The following IL15RA variants were observed in gnomAD, a reference collection of about 807,000 sequenced individuals.
IL15RA encodes the protein interleukin 15 receptor subunit alpha.
IL15RA carries 26 observed loss-of-function variants against 24.2 expected under a neutral mutation model. The ratio of observed to expected loss-of-function variants is 1.07; its 90% confidence interval spans 0.79 to 1.49. The LOEUF is 1.49. Ranked by LOEUF, IL15RA falls within the 40% of genes most tolerant of loss-of-function variation. The pLI, the probability that IL15RA is intolerant of heterozygous loss-of-function variation, is 0.00. For missense variants in IL15RA, 354 were observed against 356.4 expected, an observed-to-expected ratio of 0.99 and a Z score of 0.05; for synonymous variants, 166 against 157.6, an observed-to-expected ratio of 1.05 and a Z score of -0.40.
rs1052702773 is a variant in IL15RA at position 5,952,942 on chromosome 10, G to A, written c.*153C>T. 7.5e-5 allele frequency: 49 copies of A among 652,236 alleles called. 1 individual carries two copies. The highest frequency in any genetic ancestry group is 4.8e-4 in the South Asian group (25 of 52,534). 40.4% of individuals were successfully genotyped at this position (652,236 alleles called of 1,614,324 possible). On this transcript the variant is annotated 3_prime_UTR_variant, in exon 7 of 7. Coordinates refer to ENST00000379977, the MANE Select transcript of IL15RA (RefSeq NM_002189.4). Reference sequence around the variant, plus strand: ...CCTGCTCCCTCGCGCAGGAGGCGCCGACCCGGCAGTCCGTGAGATCCTGCT... The same window carrying A: ...CCTGCTCCCTCGCGCAGGAGGCGCCAACCCGGCAGTCCGTGAGATCCTGCT...
chr10:5,967,797 G>C lies in IL15RA; in HGVS notation c.89-1458C>G, dbSNP rs968207811. 6.6e-6 allele frequency among the ~76,000 whole-genome samples: 1 copy of C among 152,156 alleles called. No homozygotes were observed. Among genetic ancestry groups the C allele is most frequent in the Non-Finnish European group, 1.5e-5 (1 of 68,026 alleles). On this transcript the variant is annotated intron_variant, in intron 1 of 6. Coordinates refer to ENST00000379977, the MANE Select transcript of IL15RA (RefSeq NM_002189.4). The surrounding 1 kb of genome is among the most constrained non-coding windows in gnomAD (Gnocchi z 4.4). ...GAATAGGCTGGGTGCGGTAGCTCAC[G>C]CCTGTAATCCGAGGACTTTGGGAGG...
chr10:5,976,774 T>C (rs1289007622), intron 1 of IL15RA, among the ~76,000 whole-genome samples: 1 of 150,818 alleles, frequency 6.6e-6, no homozygotes, highest in African/African-American at 2.4e-5. Context: ...GAGTGTAGAC[T>C]CCAGGCTGGC....
Position 5,955,496 on chromosome 10 carries a change from C to T in IL15RA, c.692+883G>A, listed in dbSNP as rs937953524. ...GTTTAGTTTGGACAAATCTGATATCCGTATCAGTATGGAATGCTGGAATAC... is the reference window on the plus strand; with the variant it reads ...GTTTAGTTTGGACAAATCTGATATCTGTATCAGTATGGAATGCTGGAATAC... On this transcript the variant is annotated intron_variant, in intron 6 of 6. Coordinates refer to ENST00000379977, the MANE Select transcript of IL15RA (RefSeq NM_002189.4). The surrounding 1 kb of genome is among the most constrained non-coding windows in gnomAD (Gnocchi z 5.3). Among the ~76,000 whole-genome samples, 3 of 151,966 alleles carry T rather than the reference C, an allele frequency of 2.0e-5. No individual in the cohort carries two copies. Among genetic ancestry groups the T allele is most frequent in the East Asian group, 3.9e-4 (2 of 5,162 alleles).
downstream of IL15RA, chr10:5,952,355 T>G (rs992600964): frequency 1.3e-5 from 2 of 152,788 alleles, no homozygotes; most frequent in Non-Finnish European, 2.9e-5. Context: ...ACATTTCTCC[T>G]TGGTGATTCT....
rs1836529751 is a variant in IL15RA, at chr10:5,966,327, G to C, written c.101C>G (p.Pro34Arg). Residue 34 changes from proline (P) to arginine (R), a missense_variant, in exon 2 of 7, where the codon CCT becomes CGT. Physicochemically the swap from Pro to Arg is moderately radical, Grantham distance 103. Coordinates refer to ENST00000379977, the MANE Select transcript of IL15RA (RefSeq NM_002189.4). The surrounding 1 kb of genome is among the most constrained non-coding windows in gnomAD (Gnocchi z 6.4). Reference sequence around the variant, plus strand: ...TGCGTGTTCCACGGACATGGGGGGAGGGCACGTGATGCCTGCGAAAGTGCA... The same window carrying C: ...TGCGTGTTCCACGGACATGGGGGGACGGCACGTGATGCCTGCGAAAGTGCA... ...RPPATRGITCPPPMSVEHADI... is the reference protein window; with the variant it reads ...RPPATRGITCRPPMSVEHADI... 1 of 1,607,448 alleles carries C rather than the reference G, an allele frequency of 6.2e-7. No homozygotes were observed. Among genetic ancestry groups the C allele is most frequent in the East Asian group, 2.2e-5 (1 of 44,658 alleles).
chr10:5,971,618 G>C lies in IL15RA; in HGVS notation c.89-5279C>G, dbSNP rs1837623631. 6.6e-6 allele frequency among the ~76,000 whole-genome samples: 1 copy of C among 152,242 alleles called. No homozygotes were observed. Among genetic ancestry groups the C allele is most frequent in the Admixed American group, 6.5e-5 (1 of 15,290 alleles). Reference sequence around the variant, plus strand: ...CGAGCTAAGGGTGGTAGGATTCAGAGATGTGTCAGATATGGTTCCTGCCCT... The same window carrying C: ...CGAGCTAAGGGTGGTAGGATTCAGACATGTGTCAGATATGGTTCCTGCCCT... On this transcript the variant is annotated intron_variant, in intron 1 of 6. Coordinates refer to ENST00000379977, the MANE Select transcript of IL15RA (RefSeq NM_002189.4). This position sits in a 1 kb window ranked among gnomAD's most constrained non-coding sequence, Gnocchi z 5.5.
rs1836563283 is a variant in IL15RA, at chr10:5,966,488, G to A, written c.89-149C>T. On this transcript the variant is annotated intron_variant, in intron 1 of 6. Transcript: ENST00000379977. This position sits in a 1 kb window ranked among gnomAD's most constrained non-coding sequence, Gnocchi z 6.4. The stretch of plus-strand genomic sequence containing the variant: ...GTGCCAGGCACGTGGAGGATGTACA[G>A]GAAGAGCATCCTCACCCAGAAGCCT... 1 of 618,904 alleles carries A rather than the reference G, an allele frequency of 1.6e-6. No homozygotes were observed. The highest frequency in any genetic ancestry group is 2.8e-5 in the East Asian group (1 of 36,006). The allele number at this position is 618,904 out of a possible 1,614,324, so 38.3% of individuals were successfully genotyped here.
upstream of IL15RA, chr10:5,977,635 G>A (rs1838676005): frequency 7.9e-7 from 1 of 1,262,262 alleles, no homozygotes. Context: ...AGGGCTCGGA[G>A]AGGTGCAAAG....
In IL15RA at chr10:5,962,054, C is replaced by T. The variant is rs1481560648; in HGVS notation, c.383-1487G>A. Among the ~76,000 whole-genome samples the T allele has an allele frequency of 6.6e-6, 1 of 152,138 alleles. No homozygotes were observed. Among genetic ancestry groups the T allele is most frequent in the East Asian group, 1.9e-4 (1 of 5,196 alleles). On this transcript the variant is annotated intron_variant, in intron 3 of 6. Transcript: ENST00000379977. This position sits in a 1 kb window ranked among gnomAD's most constrained non-coding sequence, Gnocchi z 5.2. ...GGCTTCTGACTGCACCATTGTGTCT[C>T]GACAATGGCCATCGGACCAGGTATT...
chr10:5,972,431 TG>T (rs1837765950), intron 1 of IL15RA, among the ~76,000 whole-genome samples: 1 of 152,338 alleles, frequency 6.6e-6, no homozygotes, highest in East Asian at 1.9e-4. Context: ...TGGAATGCAG[TG>T]GACAAGTGTT....
At position 5,960,344 on chromosome 10, in the gene IL15RA, C is replaced by T. The variant is rs746758221; in HGVS notation, c.583+23G>A. Reference sequence around the variant, plus strand: ...AAGCAGCAATGGGGAACTGACCTCTCCTGGGGCAAAGCGAGTGCTAACCTG... The same window carrying T: ...AAGCAGCAATGGGGAACTGACCTCTTCTGGGGCAAAGCGAGTGCTAACCTG... On this transcript the variant is annotated intron_variant, in intron 4 of 6. Coordinates refer to ENST00000379977, the MANE Select transcript of IL15RA (RefSeq NM_002189.4). This position sits in a 1 kb window ranked among gnomAD's most constrained non-coding sequence, Gnocchi z 5.1. 3.1e-6 allele frequency: 5 copies of T among 1,610,550 alleles called. No homozygotes were observed. The highest frequency in any genetic ancestry group is 4.2e-6 in the Non-Finnish European group (5 of 1,176,858).
At chr10:5,949,228 T>G (rs1442938074), downstream of IL15RA, 1 of 471,212 alleles carries the variant, frequency 2.1e-6, no homozygotes, top group Admixed American at 2.3e-5. The surrounding 1 kb of genome is among the most constrained non-coding windows in gnomAD (Gnocchi z 4.4). Context: ...GGTATGTCAC[T>G]TTTCTCTGTG....
chr10:5,974,481 G>C (rs1425207037), intron 1 of IL15RA, among the ~76,000 whole-genome samples: 1 of 151,974 alleles, frequency 6.6e-6, no homozygotes, highest in East Asian at 1.9e-4. Flanking sequence ...ATCATACCAA[G>C]AGCTGACAAG....
In IL15RA at chr10:5,968,663, A is replaced by G; in HGVS notation, c.89-2324T>C. The G allele has an allele frequency of 1.5e-6, 1 of 646,332 alleles. No individual in the cohort carries two copies. Among genetic ancestry groups the G allele is most frequent in the East Asian group, 2.7e-5 (1 of 36,684 alleles). The allele number at this position is 646,332 out of a possible 1,614,324, so 40.0% of individuals were successfully genotyped here. A position where few individuals can be genotyped will look rare whatever the true frequency, so the allele number is the denominator to read the frequency against. On this transcript the variant is annotated intron_variant, in intron 1 of 6. Transcript: ENST00000379977. This position sits in a 1 kb window ranked among gnomAD's most constrained non-coding sequence, Gnocchi z 5.4. ...CTGGAGTGTCAGAGGCTTTTTCTCC[A>G]TGTTCTGCTCCACACTGATCTTCTG...
rs1564485813 is a variant in IL15RA at position 5,955,757 on chromosome 10, G to C, written c.692+622C>G. 6.6e-6 allele frequency among the ~76,000 whole-genome samples: 1 copy of C among 152,164 alleles called. No homozygotes were observed. The highest frequency in any genetic ancestry group is 1.5e-5 in the Non-Finnish European group (1 of 68,034). On this transcript the variant is annotated intron_variant, in intron 6 of 6. Coordinates refer to ENST00000379977, the MANE Select transcript of IL15RA (RefSeq NM_002189.4). This position sits in a 1 kb window ranked among gnomAD's most constrained non-coding sequence, Gnocchi z 5.3. ...AAGAAGGCATACCCCTATTCAATGA[G>C]GACTTTCAAGAATATATTCATGAGG...
chr10:5,964,813 G>A lies in IL15RA; in HGVS notation c.284-972C>T, dbSNP rs1836229832. ...GGACTGGCAGAGTAAGACCCACCGT[G>A]GTTCCCACAGATCCTGCTCACCCCG... On this transcript the variant is annotated intron_variant, in intron 2 of 6. Coordinates refer to ENST00000379977, the MANE Select transcript of IL15RA (RefSeq NM_002189.4). The surrounding 1 kb of genome is among the most constrained non-coding windows in gnomAD (Gnocchi z 5.6). Among the ~76,000 whole-genome samples, 3 of 152,212 alleles carry A rather than the reference G, an allele frequency of 2.0e-5. No homozygotes were observed. The highest frequency in any genetic ancestry group is 1.5e-5 in the Non-Finnish European group (1 of 68,024).
rs8177649 is a variant in IL15RA, at chr10:5,973,687, C to T, written c.88+3718G>A. On this transcript the variant is annotated intron_variant, in intron 1 of 6. Transcript: ENST00000379977. The surrounding 1 kb of genome is among the most constrained non-coding windows in gnomAD (Gnocchi z 4.5). ...AAATTAATTCAAAATGGATCACAGCCATAAATGTAAACCCTAAAGCTATAA... is the reference window on the plus strand; with the variant it reads ...AAATTAATTCAAAATGGATCACAGCTATAAATGTAAACCCTAAAGCTATAA... Among the ~76,000 whole-genome samples, 2,654 of 152,226 alleles carry T rather than the reference C, an allele frequency of 0.017. 78 individuals carry two copies. Among genetic ancestry groups the T allele is most frequent in the African/African-American group, 0.061 (2,542 of 41,528 alleles).
rs142826657 is a variant in IL15RA, at chr10:5,968,147, G to A, written c.89-1808C>T. Among the ~76,000 whole-genome samples, 6 of 152,204 alleles carry A rather than the reference G, an allele frequency of 3.9e-5. No individual in the cohort carries two copies. Among genetic ancestry groups the A allele is most frequent in the South Asian group, 2.1e-4 (1 of 4,826 alleles). On this transcript the variant is annotated intron_variant, in intron 1 of 6. Coordinates refer to ENST00000379977, the MANE Select transcript of IL15RA (RefSeq NM_002189.4). This position sits in a 1 kb window ranked among gnomAD's most constrained non-coding sequence, Gnocchi z 5.4. ...GCCAAAGTGTTAAGAACCTTAGCACGGAGAGAATTCTTATAAAAATCAACA... is the reference window on the plus strand; with the variant it reads ...GCCAAAGTGTTAAGAACCTTAGCACAGAGAGAATTCTTATAAAAATCAACA...
rs770043015 is a variant in IL15RA, at chr10:5,960,601, T to G, written c.383-34A>C. On this transcript the variant is annotated intron_variant, in intron 3 of 6. Transcript: ENST00000379977. The surrounding 1 kb of genome is among the most constrained non-coding windows in gnomAD (Gnocchi z 5.1). ...GAGTCCAAGGCAGGGACAACATCAG[T>G]GTGCAGACTCCCCTCCTCTCAGCTG... The G allele has an allele frequency of 6.3e-7, 1 of 1,576,198 alleles. No individual in the cohort carries two copies. The highest frequency in any genetic ancestry group is 1.7e-5 in the Admixed American group (1 of 59,210).
Sources: allele counts gnomAD v4.1 joint callset (sites outside exome capture counted in the v4.1 genomes callset), GRCh38; gene constraint gnomAD v4.1.1; non-coding constraint Gnocchi (gnomAD v3.1); transcripts MANE v1.5; gene names NCBI Gene and HGNC (gene_info 2026-07-23, HGNC 2026-07-21).